KCNK12: variants seen among roughly 807,000 people sequenced by gnomAD.
KCNK12 encodes the protein potassium channel subfamily K member 12.
Under a neutral mutation model 25.3 loss-of-function variants are expected in KCNK12, and 6 were observed. That is an observed-to-expected ratio of 0.24 (90% CI 0.13 to 0.47). KCNK12 has a LOEUF of 0.47. KCNK12 is among the 20% of genes least tolerant of loss of function. The pLI is 0.99. For missense variants in KCNK12, 444 were observed against 661.7 expected, an observed-to-expected ratio of 0.67 and a Z score of 3.61; for synonymous variants, 331 against 311.1, an observed-to-expected ratio of 1.06 and a Z score of -0.67.
intron 1 of KCNK12, among the ~76,000 whole-genome samples, chr2:47,539,172 A>T (rs1385703906): frequency 6.6e-6 from 1 of 152,248 alleles, no homozygotes; most frequent in Non-Finnish European, 1.5e-5. Context: ...AACTGAATCC[A>T]GGATAAATAA....
In KCNK12 at chr2:47,540,260, C is replaced by T. The variant is rs1669168112; in HGVS notation, c.392-18452G>A. On this transcript the variant is annotated intron_variant, in intron 1 of 1. Transcript: ENST00000327876. This position sits in a 1 kb window ranked among gnomAD's most constrained non-coding sequence, Gnocchi z 5.4. ...GAAGTTTCACAACAGTGTCAACCCC[C>T]TCCCTCATGTGTGTACTCACAGCTA... Among the ~76,000 whole-genome samples the T allele has an allele frequency of 6.6e-6, 1 of 152,202 alleles. No homozygotes were observed. The highest frequency in any genetic ancestry group is 6.5e-5 in the Admixed American group (1 of 15,284).
intron 1 of KCNK12, chr2:47,564,040 T>A (rs991485269): frequency 8.7e-6 from 2 of 231,166 alleles, no homozygotes; most frequent in African/African-American, 4.4e-5. Context: ...CTTTCTCCAC[T>A]CTCCCAGAAC....
chr2:47,524,087 A>G (rs1054224298), intron 1 of KCNK12, among the ~76,000 whole-genome samples: 2 of 152,188 alleles, frequency 1.3e-5, no homozygotes, highest in African/African-American at 2.4e-5. Context: ...GGAAAATCTT[A>G]TGATGTTACC....
At chr2:47,542,553 G>GT (rs1234765253) in intron 1 of KCNK12, among the ~76,000 whole-genome samples, 2 of 152,196 alleles carry the variant, frequency 1.3e-5, no homozygotes, top group East Asian at 3.9e-4. Flanking sequence ...TCTGGGGTGG[G>GT]TTCCAGCAAC....
rs925410173 is a variant in KCNK12 at position 47,528,073 on chromosome 2, G to A, written c.392-6265C>T. Among the ~76,000 whole-genome samples, 1 of 152,134 alleles carries A rather than the reference G, an allele frequency of 6.6e-6. No homozygotes were observed. Among genetic ancestry groups the A allele is most frequent in the Non-Finnish European group, 1.5e-5 (1 of 68,020 alleles). On this transcript the variant is annotated intron_variant, in intron 1 of 1. Coordinates refer to ENST00000327876, the MANE Select transcript of KCNK12 (RefSeq NM_022055.2). The surrounding 1 kb of genome is among the most constrained non-coding windows in gnomAD (Gnocchi z 4.5). ...AGAACTTGTCCTGGGGTCTTCTTAC[G>A]GCCCTGGTTCAGCTTGCATTCAGCA...
intron 1 of KCNK12, among the ~76,000 whole-genome samples, chr2:47,544,143 C>T (rs1295496371): frequency 6.6e-6 from 1 of 152,220 alleles, no homozygotes; most frequent in Non-Finnish European, 1.5e-5. Flanking sequence ...AGCCTTCCAC[C>T]CTGACGTCAG....
Position 47,509,671 on chromosome 2 carries a change from T to G in KCNK12, c.*11236A>C, listed in dbSNP as rs757558454. 1.3e-5 allele frequency among the ~76,000 whole-genome samples: 2 copies of G among 152,076 alleles called. No individual in the cohort carries two copies. Among genetic ancestry groups the G allele is most frequent in the Non-Finnish European group, 2.9e-5 (2 of 68,000 alleles). On this transcript the variant is annotated 3_prime_UTR_variant, in exon 2 of 2. Transcript: ENST00000327876. Reference sequence around the variant, plus strand: ...AGAGAGCTAGGTGGCCAGGTTGGAGTTGATTGCCAATGATAGGTCTTTTTC... The same window carrying G: ...AGAGAGCTAGGTGGCCAGGTTGGAGGTGATTGCCAATGATAGGTCTTTTTC...
intron 1 of KCNK12, among the ~76,000 whole-genome samples, chr2:47,559,756 A>G (rs1167729652): frequency 6.6e-6 from 1 of 152,240 alleles, no homozygotes; most frequent in Non-Finnish European, 1.5e-5. Flanking sequence ...GGAAGCTGGC[A>G]TAGAAACAAA....
At chr2:47,522,202 T>A (rs1349653176) in intron 1 of KCNK12, among the ~76,000 whole-genome samples, 2 of 152,212 alleles carry the variant, frequency 1.3e-5, no homozygotes, top group African/African-American at 2.4e-5. Flanking sequence ...AATTTTTTTT[T>A]AAAAACTGTC....
At chr2:47,564,260 C>G (rs1669746302) in intron 1 of KCNK12, 1 of 230,342 alleles carries the variant, frequency 4.3e-6, no homozygotes, top group African/African-American at 2.2e-5. Context: ...TACAAAGAGA[C>G]CAGACAGTCT....
intron 1 of KCNK12, among the ~76,000 whole-genome samples, chr2:47,523,637 C>T (rs1224227766): frequency 6.6e-6 from 1 of 152,230 alleles, no homozygotes; most frequent in Non-Finnish European, 1.5e-5. Context: ...CTCAACTGAG[C>T]TCCCTGCCCA....
In KCNK12 at chr2:47,510,761, A is replaced by T. The variant is rs1020792198; in HGVS notation, c.*10146T>A. The T allele has an allele frequency of 6.6e-6, 1 of 152,222 alleles. No homozygotes were observed. The highest frequency in any genetic ancestry group is 1.5e-5 in the Non-Finnish European group (1 of 68,044). 9.4% of individuals were successfully genotyped at this position (152,222 alleles called of 1,614,324 possible). On this transcript the variant is annotated 3_prime_UTR_variant, in exon 2 of 2. Transcript: ENST00000327876. ...GTGTACAGGAGAAACAGGTCTATTAACCCTGGTATTAATATTAACTGGCTG... is the reference window on the plus strand; with the variant it reads ...GTGTACAGGAGAAACAGGTCTATTATCCCTGGTATTAATATTAACTGGCTG...
chr2:47,542,456 C>G lies in KCNK12; in HGVS notation c.392-20648G>C, dbSNP rs115644055. On this transcript the variant is annotated intron_variant, in intron 1 of 1. Coordinates refer to ENST00000327876, the MANE Select transcript of KCNK12 (RefSeq NM_022055.2). ...TCTTTTTTAGTTTTAAAACATTAGT[C>G]TACCCATGCCTTGATAAACTGTAAA... Among the ~76,000 whole-genome samples the G allele has an allele frequency of 3.2e-3, 480 of 152,364 alleles. 3 individuals carry two copies. The highest frequency in any genetic ancestry group is 0.01 in the African/African-American group (428 of 41,586).
chr2:47,526,905 T>C (rs1414183390), intron 1 of KCNK12, among the ~76,000 whole-genome samples: 1 of 152,228 alleles, frequency 6.6e-6, no homozygotes, highest in African/African-American at 2.4e-5. Context: ...GGATTTTCTC[T>C]TCATTGTGGT....
Position 47,560,373 on chromosome 2 carries a change from G to A in KCNK12, c.391+9568C>T, listed in dbSNP as rs192255894. On this transcript the variant is annotated intron_variant, in intron 1 of 1. Coordinates refer to ENST00000327876, the MANE Select transcript of KCNK12 (RefSeq NM_022055.2). This position sits in a 1 kb window ranked among gnomAD's most constrained non-coding sequence, Gnocchi z 4.7. ...GGAAGCAGGCAGCCCTCGCTTTAGTGTAGCCACTGACACTGCCAGAAGCAC... is the reference window on the plus strand; with the variant it reads ...GGAAGCAGGCAGCCCTCGCTTTAGTATAGCCACTGACACTGCCAGAAGCAC... 7.2e-5 allele frequency among the ~76,000 whole-genome samples: 11 copies of A among 152,320 alleles called. No homozygotes were observed. The highest frequency in any genetic ancestry group is 3.9e-4 in the East Asian group (2 of 5,180).
Position 47,533,656 on chromosome 2 carries a change from G to A in KCNK12, c.392-11848C>T, listed in dbSNP as rs559242499. ...CTTTGGCCCCTACGCTGGGTAGGAG[G>A]CCCGGCTAGAGGTTAGGCACCATCT... On this transcript the variant is annotated intron_variant, in intron 1 of 1. Coordinates refer to ENST00000327876, the MANE Select transcript of KCNK12 (RefSeq NM_022055.2). The surrounding 1 kb of genome is among the most constrained non-coding windows in gnomAD (Gnocchi z 4.7). 3.3e-5 allele frequency among the ~76,000 whole-genome samples: 5 copies of A among 152,320 alleles called. No individual in the cohort carries two copies. The highest frequency in any genetic ancestry group is 3.9e-4 in the East Asian group (2 of 5,182).
chr2:47,570,007 C>G lies in KCNK12; in HGVS notation c.325G>C (p.Ala109Pro). Residue 109 changes from alanine to proline, a missense_variant, in exon 1 of 2, where the codon GCG (alanine) becomes CCG (proline). Physicochemically the swap from Ala to Pro is conservative, Grantham distance 27. Transcript: ENST00000327876. ...AALAAGVRADALRPRWDFPGA... is the reference protein window; with the variant it reads ...AALAAGVRADPLRPRWDFPGA... ...GGGAAGTCCCAGCGCGGGCGCAGCG[C>G]GTCGGCGCGGACGCCGGCGGCCAGC... is the stretch of plus-strand genomic sequence containing the variant. The G allele has an allele frequency of 7.0e-7, 1 of 1,431,366 alleles. No individual in the cohort carries two copies. 88.7% of individuals were successfully genotyped at this position (1,431,366 alleles called of 1,614,324 possible). A position where few individuals can be genotyped will look rare whatever the true frequency, so the allele number is the denominator to read the frequency against.
In KCNK12 at chr2:47,540,158, C is replaced by T. The variant is rs1001508125; in HGVS notation, c.392-18350G>A. Among the ~76,000 whole-genome samples the T allele has an allele frequency of 1.3e-5, 2 of 152,216 alleles. No homozygotes were observed. The highest frequency in any genetic ancestry group is 2.9e-5 in the Non-Finnish European group (2 of 68,046). ...CTTCAGCTCCTTATCAAGGTTAGGC[C>T]TCCACAAAGGGTGGAGCAGGGAAGA... On this transcript the variant is annotated intron_variant, in intron 1 of 1. Transcript: ENST00000327876. The surrounding 1 kb of genome is among the most constrained non-coding windows in gnomAD (Gnocchi z 5.4).
intron 1 of KCNK12, among the ~76,000 whole-genome samples, chr2:47,526,812 G>A (rs1478907193): frequency 6.6e-6 from 1 of 152,176 alleles, no homozygotes; most frequent in East Asian, 1.9e-4. Flanking sequence ...AGATGTTAAG[G>A]AATCTAAAAG....
Sources: allele counts gnomAD v4.1 joint callset (sites outside exome capture counted in the v4.1 genomes callset), GRCh38; gene constraint gnomAD v4.1.1; non-coding constraint Gnocchi (gnomAD v3.1); transcripts MANE v1.5; gene names NCBI Gene and HGNC (gene_info 2026-07-23, HGNC 2026-07-21).